Variants in ANKRD31 observed in about 807,000 individuals in gnomAD.
ANKRD31 encodes the protein ankyrin repeat domain 31.
A neutral mutation model predicts 186.0 loss-of-function variants in ANKRD31; 147 were observed. The ratio of observed to expected loss-of-function variants is 0.79; its 90% CI spans 0.69 to 0.91. The LOEUF is 0.91. Ranked by LOEUF, ANKRD31 falls within the 40% of genes least tolerant of loss-of-function variation. The probability of loss-of-function intolerance (pLI) is 0.00; values close to 1 mark genes in which losing one functional copy is unlikely to be tolerated. For missense variants in ANKRD31, 1,986 were observed against 2,148.8 expected, an observed-to-expected ratio of 0.92 and a Z score of 1.50; for synonymous variants, 673 against 736.4, an observed-to-expected ratio of 0.91 and a Z score of 1.39.
In ANKRD31 at chr5:75,200,539, C is replaced by A. The variant is rs1212368064; in HGVS notation, c.404-865G>T. On this transcript the variant is annotated intron_variant, in intron 5 of 25. Coordinates refer to ENST00000506364, the MANE Select transcript of ANKRD31 (RefSeq NM_001372053.1). ...TCTCAAACCCCTGACTTCAAGTGAT[C>A]CACTTGCCTTGGCCTCCCAAAGTGC... Among the ~76,000 whole-genome samples the A allele has an allele frequency of 3.3e-5, 5 of 150,624 alleles. No individual in the cohort carries two copies. The East Asian group carries it at 1.0e-3, about 31-fold the overall frequency.
chr5:75,165,004 T>C (rs928616815), intron 11 of ANKRD31, among the ~76,000 whole-genome samples: 4 of 152,240 alleles, frequency 2.6e-5, no homozygotes, highest in African/African-American at 9.6e-5. Context: ...TTAAGGGATT[T>C]GACTGTTATT....
At chr5:75,213,209 G>T (rs1217077631) in intron 3 of ANKRD31, among the ~76,000 whole-genome samples, 1 of 151,832 alleles carries the variant, frequency 6.6e-6, no homozygotes, top group Admixed American at 6.6e-5. Flanking sequence ...AATTAAACAG[G>T]GTATACCTAC....
Position 75,146,237 on chromosome 5 carries a change from T to C in ANKRD31, c.3174A>G (p.Ala1058=), listed in dbSNP as rs1751423813. 1 of 1,536,498 alleles carries C rather than the reference T, an allele frequency of 6.5e-7. No individual in the cohort carries two copies. The highest frequency in any genetic ancestry group is 8.7e-7 in the Non-Finnish European group (1 of 1,146,440). ...AATTCCTCTCAGTGTCACAATTCTT[T>C]GCCATCTTTTCCACAATATGTGTAT... is the stretch of plus-strand genomic sequence containing the variant. ...QTDTHIVEKM[A]KNCDTERNYI... is the part of the protein sequence containing the mutation. The change falls in exon 14 of 26, where the codon GCA becomes GCG. Residue 1058 remains alanine, a synonymous_variant. Transcript: ENST00000506364.
At chr5:75,103,995 C>A (rs1275048827) in intron 22 of ANKRD31, among the ~76,000 whole-genome samples, 1 of 151,992 alleles carries the variant, frequency 6.6e-6, no homozygotes, top group Non-Finnish European at 1.5e-5. Context: ...GCACATGTAT[C>A]CTGGAACTTA....
intron 25 of ANKRD31, among the ~76,000 whole-genome samples, chr5:75,071,002 A>G (rs1744182292): frequency 6.6e-6 from 1 of 152,226 alleles, no homozygotes; most frequent in African/African-American, 2.4e-5. Context: ...CAGGAATTTA[A>G]TATCTGTATG....
intron 12 of ANKRD31, among the ~76,000 whole-genome samples, chr5:75,153,443 G>A (rs767416368): frequency 2.8e-4 from 42 of 152,222 alleles, no homozygotes; most frequent in Non-Finnish European, 4.7e-4. Flanking sequence ...TCTAGGCCTC[G>A]TTGAGAAGGT....
rs141643827 is a variant in ANKRD31 at position 75,177,966 on chromosome 5, C to A, written c.1565-8845G>T. Among the ~76,000 whole-genome samples the A allele has an allele frequency of 8.6e-3, 1,312 of 152,078 alleles. 32 individuals are homozygous for A. The highest frequency in any genetic ancestry group is 0.029 in the African/African-American group (1,194 of 41,458). ...ACTGGATAAAGAGTCAAGACCCATC[C>A]GTGTGCTGTATTCAGGAAATCCATC... On this transcript the variant is annotated intron_variant, in intron 10 of 25. Transcript: ENST00000506364.
At chr5:75,212,883 A>G (rs1756738472) in intron 3 of ANKRD31, among the ~76,000 whole-genome samples, 1 of 152,208 alleles carries the variant, frequency 6.6e-6, no homozygotes, top group South Asian at 2.1e-4. Context: ...AAATAAAGCC[A>G]TTAGGCTGAA....
chr5:75,122,110 G>A (rs1371412283), intron 17 of ANKRD31, among the ~76,000 whole-genome samples: 1 of 151,716 alleles, frequency 6.6e-6, no homozygotes, highest in Admixed American at 6.6e-5. Flanking sequence ...TAAACATAAT[G>A]AGAAATGAAG....
At position 75,112,663 on chromosome 5, in the gene ANKRD31, T is replaced by C. The variant is rs191528564; in HGVS notation, c.4156-63A>G. ...GGTAGATATGCTCTCTGATATGCCA[T>C]TGACAAACACAGAGTAAATAAAATA... On this transcript the variant is annotated intron_variant, in intron 19 of 25. Coordinates refer to ENST00000506364, the MANE Select transcript of ANKRD31 (RefSeq NM_001372053.1). 1,047 of 1,024,870 alleles carry C rather than the reference T, an allele frequency of 1.0e-3. 3 individuals are homozygous for C. The highest frequency in any genetic ancestry group is 1.6e-3 in the South Asian group (89 of 57,248). 63.5% of individuals were successfully genotyped at this position (1,024,870 alleles called of 1,614,324 possible).
chr5:75,198,169 C>A (rs1755594655), intron 6 of ANKRD31, among the ~76,000 whole-genome samples: 1 of 152,170 alleles, frequency 6.6e-6, no homozygotes, highest in Non-Finnish European at 1.5e-5. Flanking sequence ...CTCTGCCAAG[C>A]CAACATTCCT....
At chr5:75,085,064 A>G (rs1745376878) in intron 23 of ANKRD31, among the ~76,000 whole-genome samples, 1 of 152,098 alleles carries the variant, frequency 6.6e-6, no homozygotes, top group South Asian at 2.1e-4. Context: ...ATACCTCCAG[A>G]GGTTAGTTCA....
intron 2 of ANKRD31, among the ~76,000 whole-genome samples, chr5:75,229,864 C>CAAAAAAAAAAAAAAAA (rs1210080751): frequency 1.3e-4 from 5 of 37,852 alleles, no homozygotes; most frequent in African/African-American, 5.7e-4. Flanking sequence ...GACTCTGTCT[C>CAAAAAAAAAAAAAAAA]AAAAAAAAAA....
chr5:75,141,557 A>T (rs1751047566), intron 15 of ANKRD31, among the ~76,000 whole-genome samples: 1 of 152,020 alleles, frequency 6.6e-6, no homozygotes. Context: ...TTTCTTAAAA[A>T]AATTTAAAAA....
intron 5 of ANKRD31, among the ~76,000 whole-genome samples, chr5:75,200,863 G>A (rs953571276): frequency 6.7e-6 from 1 of 149,696 alleles, no homozygotes; most frequent in Non-Finnish European, 1.5e-5. Context: ...AGTGAGCCGC[G>A]ATTACACCAC....
intron 10 of ANKRD31, among the ~76,000 whole-genome samples, chr5:75,181,875 A>T (rs1473724950): frequency 1.4e-5 from 2 of 138,414 alleles, no homozygotes; most frequent in African/African-American, 6.2e-5. Context: ...CCTAAAACTT[A>T]AAAGTATAAT....
At chr5:75,140,306 G>A (rs1003241090) in intron 15 of ANKRD31, among the ~76,000 whole-genome samples, 2 of 129,928 alleles carry the variant, frequency 1.5e-5, no homozygotes, top group Admixed American at 7.0e-5. Context: ...AGGAAGGAAG[G>A]AAGGAAGGAA....
At chr5:75,081,086 G>C (rs1031211951) in intron 24 of ANKRD31, among the ~76,000 whole-genome samples, 2 of 152,164 alleles carry the variant, frequency 1.3e-5, no homozygotes, top group Non-Finnish European at 2.9e-5. Flanking sequence ...CTGGGTTTCT[G>C]TCAGGTACCA....
intron 17 of ANKRD31, among the ~76,000 whole-genome samples, chr5:75,124,051 AGAATT>A (rs1749007827): frequency 6.6e-6 from 1 of 152,156 alleles, no homozygotes; most frequent in Non-Finnish European, 1.5e-5. Context: ...ACTAATATCC[AGAATT>A]TACAAGTAAC....
Sources: allele counts gnomAD v4.1 joint callset (sites outside exome capture counted in the v4.1 genomes callset), GRCh38; gene constraint gnomAD v4.1.1; transcripts MANE v1.5; gene names NCBI Gene and HGNC (gene_info 2026-07-23, HGNC 2026-07-21).